COX10: variants seen among roughly 807,000 people sequenced by gnomAD.
COX10 encodes protoheme IX farnesyltransferase, mitochondrial.
COX10 carries 27 observed loss-of-function variants against 37.3 expected under a neutral mutation model. The ratio of observed to expected loss-of-function variants is 0.72; its 90% confidence interval spans 0.53 to 1.00. The LOEUF (loss-of-function observed/expected upper bound fraction) is 1.00. Among genes scored for constraint, COX10 ranks in the 50% least tolerant of loss-of-function variants. The pLI, the probability that COX10 is intolerant of heterozygous loss-of-function variation, is 0.00. For missense variants in COX10, 475 were observed against 563.2 expected (o/e 0.84, Z 1.59); for synonymous variants, 222 against 229.1 (o/e 0.97, Z 0.28).
chr17:14,077,133 C>T, intron 3 of COX10, 77 bp downstream of exon 3: 1 of 1,419,136 alleles, frequency 7.0e-7, no homozygotes. Flanking sequence ...TTATTTACCA[C>T]CTGAAAAGAA....
chr17:14,158,846 G>T (rs1296255318), intron 4 of COX10, among the ~76,000 whole-genome samples: 1 of 151,100 alleles, frequency 6.6e-6, no homozygotes, highest in Admixed American at 6.6e-5. Context: ...TTGAATTATT[G>T]TTTCGTCTGT....
chr17:14,151,198 C>A (rs1440031824), intron 4 of COX10, among the ~76,000 whole-genome samples: 1 of 152,108 alleles, frequency 6.6e-6, no homozygotes, highest in African/African-American at 2.4e-5. Context: ...TAAACCAATG[C>A]AGTAAGCCTA....
chr17:14,150,533 G>A (rs1325391493), intron 4 of COX10, among the ~76,000 whole-genome samples: 2 of 152,180 alleles, frequency 1.3e-5, no homozygotes, highest in East Asian at 3.9e-4. Context: ...CAGAGGCCTT[G>A]GAGGTAACCT....
At chr17:14,133,264 G>C (rs1429422283) in intron 4 of COX10, among the ~76,000 whole-genome samples, 1 of 151,572 alleles carries the variant, frequency 6.6e-6, no homozygotes, top group Non-Finnish European at 1.5e-5. Context: ...GTTATAAAAT[G>C]TTTTCATGAG....
chr17:14,167,337 G>A (rs1400721831), intron 5 of COX10, among the ~76,000 whole-genome samples: 1 of 152,210 alleles, frequency 6.6e-6, no homozygotes, highest in Non-Finnish European at 1.5e-5. Context: ...TGTGAACATT[G>A]TTGAAATGAA....
At chr17:14,144,752 C>T (rs958653845) in intron 4 of COX10, among the ~76,000 whole-genome samples, 21 of 152,100 alleles carry the variant, frequency 1.4e-4, no homozygotes, top group Non-Finnish European at 5.9e-5. Context: ...TGGATACCCC[C>T]GTTAACTAAA....
intron 5 of COX10, among the ~76,000 whole-genome samples, chr17:14,165,074 C>T (rs934614600): frequency 6.6e-6 from 1 of 152,200 alleles, no homozygotes; most frequent in African/African-American, 2.4e-5. Context: ...TTATGATGCT[C>T]ACAGAATTTC....
Position 14,102,246 on chromosome 17 carries a change from A to G in COX10, c.624+4A>G, listed in dbSNP as rs199668725. Reference sequence around the variant, plus strand: ...TGCTGCCAACTCCATCAATCAGGTCAGTTTCTCACTTTCATCTAAATTATG... The same window carrying G: ...TGCTGCCAACTCCATCAATCAGGTCGGTTTCTCACTTTCATCTAAATTATG... On this transcript the variant is annotated splice_donor_region_variant and intron_variant, in intron 4 of 6. Transcript: ENST00000261643. 389 of 1,613,572 alleles carry G rather than the reference A, an allele frequency of 2.4e-4. No homozygotes were observed. Among genetic ancestry groups the G allele is most frequent in the Non-Finnish European group, 3.0e-4 (357 of 1,179,674 alleles).
chr17:14,190,571 C>T (rs1409090724), intron 5 of COX10, among the ~76,000 whole-genome samples: 3 of 152,152 alleles, frequency 2.0e-5, no homozygotes, highest in African/African-American at 4.8e-5. Context: ...TTGGGTCACT[C>T]TTTGGGCACA....
intron 4 of COX10, among the ~76,000 whole-genome samples, chr17:14,152,591 G>A (rs1191701797): frequency 1.3e-5 from 2 of 152,186 alleles, no homozygotes; most frequent in Admixed American, 6.5e-5. Flanking sequence ...CTGTGAGGCT[G>A]TTGCCCCAGT....
Position 14,083,546 on chromosome 17 carries a change from G to A in COX10, c.499+6490G>A, listed in dbSNP as rs142452928. 9.8e-5 allele frequency among the ~76,000 whole-genome samples: 15 copies of A among 152,310 alleles called. No homozygotes were observed. In the East Asian group the frequency reaches 2.9e-3, roughly 29 times the overall value. On this transcript the variant is annotated intron_variant, in intron 3 of 6. Coordinates refer to ENST00000261643, the MANE Select transcript of COX10 (RefSeq NM_001303.4). ...TGTAATATACGGAGGATAATTAACT[G>A]TGGAATAAGTGAAGGGCCAGATAGT...
At chr17:14,176,957 C>A (rs1276532666) in intron 5 of COX10, among the ~76,000 whole-genome samples, 1 of 151,494 alleles carries the variant, frequency 6.6e-6, no homozygotes, top group Non-Finnish European at 1.5e-5. Context: ...TAGAAATTTT[C>A]TATAATTTTT....
At chr17:14,124,476 T>C (rs1347317642) in intron 4 of COX10, among the ~76,000 whole-genome samples, 1 of 152,146 alleles carries the variant, frequency 6.6e-6, no homozygotes, top group African/African-American at 2.4e-5. Flanking sequence ...TCTTACTCTG[T>C]TCAGAATATT....
chr17:14,193,259 C>T (rs1906265486), intron 6 of COX10, among the ~76,000 whole-genome samples: 1 of 152,218 alleles, frequency 6.6e-6, no homozygotes, highest in South Asian at 2.1e-4. Context: ...AGCTGTGCAT[C>T]CTTCGCAGCT....
chr17:14,161,529 G>A (rs181562926), intron 5 of COX10, among the ~76,000 whole-genome samples: 1 of 152,200 alleles, frequency 6.6e-6, no homozygotes, highest in African/African-American at 2.4e-5. Context: ...ATTATTTTGG[G>A]TGTGTCTGTG....
chr17:14,163,239 T>TTATTTATTTATC (rs1905205138), intron 5 of COX10, among the ~76,000 whole-genome samples: 1 of 70,224 alleles, frequency 1.4e-5, no homozygotes, highest in Admixed American at 1.7e-4. Context: ...ACAGGAAAAT[T>TTATTTATTTATC]TATTTATTTA....
chr17:14,143,166 G>A (rs993179555), intron 4 of COX10, among the ~76,000 whole-genome samples: 6 of 152,096 alleles, frequency 3.9e-5, no homozygotes, highest in Admixed American at 1.3e-4. Flanking sequence ...CATATTTCCC[G>A]TGTTGTCTTC....
intron 4 of COX10, among the ~76,000 whole-genome samples, chr17:14,146,869 A>G (rs1904735425): frequency 1.3e-5 from 2 of 152,162 alleles, no homozygotes; most frequent in Admixed American, 1.3e-4. Context: ...AAGACATACA[A>G]ATGGCAGACA....
At chr17:14,128,831 G>A (rs961005307) in intron 4 of COX10, among the ~76,000 whole-genome samples, 8 of 152,114 alleles carry the variant, frequency 5.3e-5, no homozygotes, top group African/African-American at 1.4e-4. Flanking sequence ...TCAAAAATCT[G>A]TATTTCTACA....
Sources: gnomAD v4.1 joint callset for allele counts (sites outside exome capture counted in the v4.1 genomes callset) on GRCh38, gnomAD v4.1.1 for gene constraint, MANE v1.5 for transcripts, NCBI Gene and HGNC (gene_info 2026-07-23, HGNC 2026-07-21) for gene names.